ZNF83: variants seen among roughly 807,000 people sequenced by gnomAD.
The protein encoded by ZNF83 is zinc finger protein 83.
For synonymous variants in ZNF83, 209 were observed against 213.0 expected (o/e 0.98, Z 0.17); for missense variants, 552 against 629.9 (o/e 0.88, Z 1.32).
intron 2 of ZNF83, among the ~76,000 whole-genome samples, chr19:52,657,730 TCA>T (rs1001429519): frequency 2.0e-5 from 3 of 151,462 alleles, no homozygotes; most frequent in African/African-American, 4.9e-5. Context: ...GCTTGTAATC[TCA>T]GTTACTTAGG....
chr19:52,633,389 T>C (rs908553407), intron 2 of ZNF83, among the ~76,000 whole-genome samples: 1 of 152,236 alleles, frequency 6.6e-6, no homozygotes, highest in Non-Finnish European at 1.5e-5. Context: ...CACACGGACG[T>C]GCATGAAAAA....
chr19:52,657,605 T>C (rs1008736192), intron 2 of ZNF83, among the ~76,000 whole-genome samples: 6 of 152,184 alleles, frequency 3.9e-5, no homozygotes, highest in African/African-American at 1.4e-4. Flanking sequence ...CCCAGCACTT[T>C]GGGATGCCAA....
intron 1 of ZNF83, among the ~76,000 whole-genome samples, chr19:52,687,682 G>A (rs11666434): frequency 0.53 from 30,049 of 57,178 alleles, 9,604 homozygotes; most frequent in African/African-American, 0.7. Flanking sequence ...ATAACTAGCC[G>A]GGCTTGGTGG....
intron 3 of ZNF83, among the ~76,000 whole-genome samples, chr19:52,647,184 C>T (rs2061383051): frequency 6.6e-6 from 1 of 152,168 alleles, no homozygotes. Flanking sequence ...GTGAGACTCT[C>T]AAGTGAATAA....
At chr19:52,687,732 G>A (rs1468245332) in intron 1 of ZNF83, among the ~76,000 whole-genome samples, 1 of 144,184 alleles carries the variant, frequency 6.9e-6, no homozygotes, top group African/African-American at 2.6e-5. Flanking sequence ...GGCTGAGGTA[G>A]GAGGATCACT....
At chr19:52,618,544 G>C (rs868523060) in intron 2 of ZNF83, 32 of 209,350 alleles carry the variant, frequency 1.5e-4, no homozygotes, top group Middle Eastern at 2.0e-3. Context: ...TTACAGGCGT[G>C]AGCCACCGCG....
intron 3 of ZNF83, among the ~76,000 whole-genome samples, chr19:52,648,368 A>C (rs987559933): frequency 2.6e-5 from 4 of 152,130 alleles, no homozygotes; most frequent in African/African-American, 9.7e-5. Context: ...ACTTCAAGGA[A>C]AGTTATAAGA....
chr19:52,652,295 G>A, intron 3 of ZNF83: 1 of 242,736 alleles, frequency 4.1e-6, no homozygotes, highest in Non-Finnish European at 8.1e-6. Flanking sequence ...AATTAGCCAG[G>A]CTTGGTGGAG....
At chr19:52,653,894 T>G (rs1396705569) in intron 3 of ZNF83, among the ~76,000 whole-genome samples, 1 of 152,238 alleles carries the variant, frequency 6.6e-6, no homozygotes, top group Non-Finnish European at 1.5e-5. Context: ...CCACACTCAT[T>G]ACATTGGAAA....
chr19:52,619,251 C>A (rs1478483610), intron 2 of ZNF83, among the ~76,000 whole-genome samples: 1 of 151,770 alleles, frequency 6.6e-6, no homozygotes, highest in African/African-American at 2.4e-5. Context: ...GTCATAATAC[C>A]CTCTTGTTAT....
intron 2 of ZNF83, among the ~76,000 whole-genome samples, chr19:52,657,833 G>A (rs1162061639): frequency 6.7e-6 from 1 of 149,790 alleles, no homozygotes; most frequent in Admixed American, 6.7e-5. Context: ...GGCAACAAGA[G>A]AAAAACTCTG....
chr19:52,653,884 C>T (rs571519155), intron 3 of ZNF83, among the ~76,000 whole-genome samples: 1 of 152,286 alleles, frequency 6.6e-6, no homozygotes, highest in East Asian at 1.9e-4. Flanking sequence ...AAAGGCTTTG[C>T]CACACTCATT....
At position 52,675,711 on chromosome 19, in the gene ZNF83, C is replaced by T. The variant is rs2061791308; in HGVS notation, c.-283+14732G>A. ...TGATGCAAGGCCAGGAAAGGAAGGG[C>T]AAGGGTGGAGGGCAGAAGTAATGGG... On this transcript the variant is annotated intron_variant, in intron 1 of 5. Coordinates refer to the ZNF83 transcript ENST00000594682. Among the ~76,000 whole-genome samples the T allele has an allele frequency of 2.0e-5, 3 of 152,056 alleles. No homozygotes were observed. The South Asian group carries it at 6.2e-4, about 32-fold the overall frequency.
chr19:52,644,357 T>G (rs1274730109), intron 3 of ZNF83, among the ~76,000 whole-genome samples: 1 of 152,122 alleles, frequency 6.6e-6, no homozygotes, highest in East Asian at 1.9e-4. Context: ...ATCTGCAAGT[T>G]GCAGGGAGGC....
intron 1 of ZNF83, among the ~76,000 whole-genome samples, chr19:52,672,898 ATAAT>A (rs996136973): frequency 1.3e-5 from 2 of 152,248 alleles, no homozygotes; most frequent in Non-Finnish European, 2.9e-5. Context: ...TTAATCAGAA[ATAAT>A]TAATAAATAG....
intron 2 of ZNF83, among the ~76,000 whole-genome samples, chr19:52,634,231 C>T (rs146886498): frequency 0.032 from 4,570 of 144,660 alleles, 125 homozygotes; most frequent in Non-Finnish European, 0.04. Context: ...AAGATCAGGC[C>T]GTTGCACTCC....
At chr19:52,642,123 C>T (rs1051887886), upstream of ZNF83, among the ~76,000 whole-genome samples, 1 of 152,118 alleles carries the variant, frequency 6.6e-6, no homozygotes, top group South Asian at 2.1e-4. Flanking sequence ...AGGCATTTGA[C>T]TCAGGTGTAC....
At chr19:52,674,587 A>G (rs1344595181) in intron 1 of ZNF83, among the ~76,000 whole-genome samples, 3 of 152,242 alleles carry the variant, frequency 2.0e-5, no homozygotes, top group African/African-American at 7.2e-5. Context: ...GCAGAGTACA[A>G]TATTAGCACC....
intron 3 of ZNF83, among the ~76,000 whole-genome samples, chr19:52,648,987 C>T (rs747726558): frequency 1.2e-4 from 18 of 152,306 alleles, no homozygotes; most frequent in Non-Finnish European, 2.5e-4. Flanking sequence ...CACCCTCTTG[C>T]CCAGCTCCAG....
Sources: allele counts gnomAD v4.1 joint callset (sites outside exome capture counted in the v4.1 genomes callset), GRCh38; gene constraint gnomAD v4.1.1; transcripts MANE v1.5; gene names NCBI Gene and HGNC (gene_info 2026-07-23, HGNC 2026-07-21).